QTRT2: variants seen among roughly 807,000 people sequenced by gnomAD.
QTRT2 encodes queuine tRNA-ribosyltransferase accessory subunit 2, also known as queuine tRNA-ribosyltransferase domain containing 1.
Under a neutral mutation model 44.8 loss-of-function variants are expected in QTRT2, and 32 were observed. The observed-to-expected ratio is 0.71, with a 90% CI of 0.54 to 0.96. QTRT2 has a LOEUF of 0.96. Among genes scored for constraint, QTRT2 ranks in the 40% least tolerant of loss-of-function variants. The probability of loss-of-function intolerance (pLI) is 0.00; values close to 1 mark genes in which losing one functional copy is unlikely to be tolerated. For synonymous variants in QTRT2, 182 were observed against 187.4 expected (o/e 0.97, Z 0.24); for missense variants, 461 against 503.1 (o/e 0.92, Z 0.80).
At position 114,076,753 on chromosome 3, in the gene QTRT2, A is replaced by G; in HGVS notation, c.557A>G (p.Lys186Arg). The change falls in exon 7 of 10, where the codon AAG (lysine) becomes AGG (arginine). Residue 186 changes from lysine (K) to arginine (R), a missense_variant. Lys to Arg is a conservative substitution (Grantham distance 26, BLOSUM62 2). Coordinates refer to ENST00000281273, the MANE Select transcript of QTRT2 (RefSeq NM_024638.4). ...RLQEESEVLQKSVIIGVIEGG... is the reference protein window; with the variant it reads ...RLQEESEVLQRSVIIGVIEGG... ...TCCTTCTTACCTCAGGTTCTTCAGA[A>G]GAGTGTGATCATTGGAGTGATTGAA... 3 of 1,614,176 alleles carry G rather than the reference A, an allele frequency of 1.9e-6. No individual in the cohort carries two copies. Among genetic ancestry groups the G allele is most frequent in the Non-Finnish European group, 1.7e-6 (2 of 1,179,972 alleles).
chr3:114,068,846 C>T (rs1480327958), intron 5 of QTRT2, among the ~76,000 whole-genome samples: 3 of 152,040 alleles, frequency 2.0e-5, no homozygotes, highest in East Asian at 1.9e-4. Flanking sequence ...CTCAGGAGTT[C>T]GAGATCAGCC....
chr3:114,082,029 G>C (rs2077171379), intron 8 of QTRT2, among the ~76,000 whole-genome samples: 1 of 152,104 alleles, frequency 6.6e-6, no homozygotes, highest in Non-Finnish European at 1.5e-5. Context: ...GAGTTGAAGG[G>C]AACAATTCAG....
chr3:114,076,598 A>T, intron 6 of QTRT2, 145 bp from the exon 7 acceptor site: 1 of 670,574 alleles, frequency 1.5e-6, no homozygotes, highest in Non-Finnish European at 2.6e-6. Context: ...GTTCTTAGGG[A>T]GGAGGGAGCA....
intron 2 of QTRT2, among the ~76,000 whole-genome samples, chr3:114,062,513 A>G (rs2076902192): frequency 6.6e-6 from 1 of 152,142 alleles, no homozygotes; most frequent in Admixed American, 6.5e-5. Flanking sequence ...GTGATGAGGA[A>G]TTCCCAGGTA....
chr3:114,056,806 T>C lies in QTRT2; in HGVS notation c.-188T>C. The C allele has an allele frequency of 6.5e-7, 1 of 1,532,862 alleles. No individual in the cohort carries two copies. Among genetic ancestry groups the C allele is most frequent in the Non-Finnish European group, 8.7e-7 (1 of 1,145,236 alleles). 95.0% of individuals were successfully genotyped at this position (1,532,862 alleles called of 1,614,324 possible). ...CAGAGAATTTTGCAACACGTGGTAG[T>C]GAACTGTGAGGAGTTTGAGGGGTCT... On this transcript the variant is annotated 5_prime_UTR_variant, in exon 1 of 10. Coordinates refer to ENST00000281273, the MANE Select transcript of QTRT2 (RefSeq NM_024638.4).
intron 6 of QTRT2, among the ~76,000 whole-genome samples, chr3:114,072,898 G>T (rs973885655): frequency 1.3e-5 from 2 of 152,204 alleles, no homozygotes; most frequent in African/African-American, 4.8e-5. Context: ...GAACAGTAGA[G>T]ATGAGGGAAC....
rs2076936855 is a variant in QTRT2, at chr3:114,065,278, G to A, written c.21G>A (p.Lys7=). Reference sequence around the variant, plus strand: ...TTAGGATGAAGCTGAGTCTTACCAAGGTAGTTAATGGCTGTCGCCTAGGAA... The same window carrying A: ...TTAGGATGAAGCTGAGTCTTACCAAAGTAGTTAATGGCTGTCGCCTAGGAA... MKLSLT[K]VVNGCRLGKI... is the part of the protein sequence containing the mutation. Residue 7 remains lysine (K), a synonymous_variant, in exon 3 of 10, where the codon AAG becomes AAA. Transcript: ENST00000281273. The A allele has an allele frequency of 6.2e-7, 1 of 1,614,002 alleles. No individual in the cohort carries two copies.
rs545851158 is a variant in QTRT2 at position 114,059,979 on chromosome 3, C to T, written c.-22+2873C>T. 9.6e-4 allele frequency among the ~76,000 whole-genome samples: 146 copies of T among 152,270 alleles called. 2 individuals carry two copies. Among genetic ancestry groups the T allele is most frequent in the Middle Eastern group, 3.4e-3 (1 of 294 alleles). On this transcript the variant is annotated intron_variant, in intron 2 of 9. Transcript: ENST00000281273. ...TCTTTAAAGTTATTTGGGATTAAAG[C>T]ATTATATCACAGGAGAGCCCATCTC...
Position 114,085,639 on chromosome 3 carries a change from ACTTTCTGGAATGTCACTGTGACTT to A in QTRT2, c.1017-27_1017-4del. The A allele has an allele frequency of 6.4e-7, 1 of 1,561,546 alleles. No individual in the cohort carries two copies. Among genetic ancestry groups the A allele is most frequent in the Non-Finnish European group, 8.8e-7 (1 of 1,132,054 alleles). On this transcript the variant is annotated splice_polypyrimidine_tract_variant and intron_variant, in intron 9 of 9. Coordinates refer to ENST00000281273, the MANE Select transcript of QTRT2 (RefSeq NM_024638.4). ...AGGTTGTGGATTTCTTGTATTCCGT[ACTTTCTGGAATGTCACTGTGACTT>A]CTTTCTTAGGTACCAGGAGGACTTT...
rs2077233661 is a variant in QTRT2, at chr3:114,086,068, G to A, written c.*164G>A. On this transcript the variant is annotated 3_prime_UTR_variant, in exon 10 of 10. Coordinates refer to ENST00000281273, the MANE Select transcript of QTRT2 (RefSeq NM_024638.4). ...ACCAAACTGCCCACATGAGGGTGAA[G>A]AGATTTCCTCAAAAGACTTAAATGA... 2 of 615,512 alleles carry A rather than the reference G, an allele frequency of 3.2e-6. No individual in the cohort carries two copies. The highest frequency in any genetic ancestry group is 2.9e-5 in the Admixed American group (1 of 35,056). The allele number at this position is 615,512 out of a possible 1,614,324, so 38.1% of individuals were successfully genotyped here.
At chr3:114,065,511 C>G in intron 3 of QTRT2, 54 bp downstream of exon 3, 1 of 1,339,660 alleles carries the variant, frequency 7.5e-7, no homozygotes, top group South Asian at 1.2e-5. Flanking sequence ...GCTTAGTTAC[C>G]TTAGGTGCAA....
At chr3:114,068,744 T>G (rs1231509399) in intron 5 of QTRT2, among the ~76,000 whole-genome samples, 3 of 152,206 alleles carry the variant, frequency 2.0e-5, no homozygotes, top group Non-Finnish European at 4.4e-5. Flanking sequence ...TTTTGTAGTT[T>G]GAATTCTAGA....
At chr3:114,078,142 C>G (rs1319037957) in intron 7 of QTRT2, 1 of 152,202 alleles carries the variant, frequency 6.6e-6, no homozygotes, top group African/African-American at 2.4e-5. Flanking sequence ...GCCTTTGATC[C>G]CCAATTTTAA....
intron 8 of QTRT2, among the ~76,000 whole-genome samples, chr3:114,081,007 G>T (rs1166330985): frequency 2.6e-5 from 4 of 152,142 alleles, no homozygotes; most frequent in Admixed American, 1.3e-4. Context: ...ATGTGGATAG[G>T]TATACCATTA....
At chr3:114,060,738 T>C (rs1683955086) in intron 2 of QTRT2, among the ~76,000 whole-genome samples, 1 of 152,176 alleles carries the variant, frequency 6.6e-6, no homozygotes, top group Admixed American at 6.5e-5. Context: ...ACTTTAACCT[T>C]TTCTCATAAG....
chr3:114,076,308 A>G (rs1168065227), intron 6 of QTRT2, among the ~76,000 whole-genome samples: 7 of 152,166 alleles, frequency 4.6e-5, no homozygotes. Context: ...ATGGGACTAC[A>G]GGCACAAGCC....
Position 114,057,118 on chromosome 3 carries a change from AG to A in QTRT2, c.-22+14del, listed in dbSNP as rs1349064150. The A allele has an allele frequency of 3.0e-6, 4 of 1,313,170 alleles. No individual in the cohort carries two copies. The highest frequency in any genetic ancestry group is 3.9e-6 in the Non-Finnish European group (4 of 1,029,560). The allele number at this position is 1,313,170 out of a possible 1,614,324, so 81.3% of individuals were successfully genotyped here. ...GCCTCTGCTGAAAGGTAGAGTTTTC[AG>A]GAAGTTTTTATTCCGAACTGCCCAT... On this transcript the variant is annotated intron_variant, in intron 2 of 9. Coordinates refer to ENST00000281273, the MANE Select transcript of QTRT2 (RefSeq NM_024638.4).
rs577425253 is a variant in QTRT2 at position 114,074,082 on chromosome 3, T to C, written c.547-2661T>C. 2.0e-5 allele frequency among the ~76,000 whole-genome samples: 3 copies of C among 152,294 alleles called. No homozygotes were observed. In the South Asian group the frequency reaches 6.2e-4, roughly 32 times the overall value. ...GGTGCAGCAAGAAGAGAGTCATCTG[T>C]TAGTCACATCTGCTGTGGAATCAGG... On this transcript the variant is annotated intron_variant, in intron 6 of 9. Transcript: ENST00000281273.
At chr3:114,057,749 A>G (rs2076821159) in intron 2 of QTRT2, among the ~76,000 whole-genome samples, 1 of 152,234 alleles carries the variant, frequency 6.6e-6, no homozygotes, top group East Asian at 1.9e-4. Context: ...ATTATAGTAT[A>G]ATATGTTTCC....
Sources: allele counts gnomAD v4.1 joint callset (sites outside exome capture counted in the v4.1 genomes callset), GRCh38; gene constraint gnomAD v4.1.1; transcripts MANE v1.5; gene names NCBI Gene and HGNC (gene_info 2026-07-23, HGNC 2026-07-21).